The following RMC1 variants were observed in gnomAD, a reference collection of about 807,000 sequenced individuals.
RMC1 encodes the protein regulator of MON1-CCZ1 complex.
RMC1 carries 44 observed loss-of-function variants against 95.5 expected under a neutral mutation model. The ratio of observed to expected loss-of-function variants is 0.46; its 90% CI spans 0.36 to 0.59. The LOEUF (loss-of-function observed/expected upper bound fraction) is 0.59. Ranked by LOEUF, RMC1 falls within the 20% of genes least tolerant of loss-of-function variation. The probability of loss-of-function intolerance (pLI) is 0.00; values close to 1 mark genes in which losing one functional copy is unlikely to be tolerated. For missense variants in RMC1, 705 were observed against 819.6 expected, an observed-to-expected ratio of 0.86 and a Z score of 1.71; for synonymous variants, 320 against 303.6, an observed-to-expected ratio of 1.05 and a Z score of -0.56.
Position 23,503,727 on chromosome 18 carries a change from C to A in RMC1, c.102+7C>A. The stretch of plus-strand genomic sequence containing the variant: ...CGATGAGGCCAACAAGCAGGTCCGG[C>A]GCGCCCGCGCTTCCTCCCCCGCGCG... On this transcript the variant is annotated splice_region_variant and intron_variant, in intron 1 of 19. Coordinates refer to ENST00000269221, the MANE Select transcript of RMC1 (RefSeq NM_013326.5). The A allele has an allele frequency of 6.3e-7, 1 of 1,583,486 alleles. No homozygotes were observed. Among genetic ancestry groups the A allele is most frequent in the Non-Finnish European group, 8.6e-7 (1 of 1,166,216 alleles).
In RMC1 at chr18:23,529,287, G is replaced by A. The variant is rs144103523; in HGVS notation, c.1405G>A (p.Val469Met). 3.1e-6 allele frequency: 5 copies of A among 1,610,460 alleles called. No individual in the cohort carries two copies. Among genetic ancestry groups the A allele is most frequent in the African/African-American group, 1.3e-5 (1 of 74,736 alleles). The change falls in exon 15 of 20, where the codon GTG becomes ATG. Residue 469 changes from valine (V) to methionine (M), a missense_variant. Coordinates refer to ENST00000269221, the MANE Select transcript of RMC1 (RefSeq NM_013326.5). The part of the protein sequence containing the change: ...DVYTHVLSAF[V>M]EKKEMPHKFV... ...GTACACCCATGTCCTGTCAGCCTTT[G>A]TGGAAAAGAAGGTGGGCTGCAGCTT... is the stretch of plus-strand genomic sequence containing the variant.
intron 13 of RMC1, among the ~76,000 whole-genome samples, chr18:23,527,241 A>T (rs909290972): frequency 4.3e-4 from 65 of 151,364 alleles, no homozygotes; most frequent in Middle Eastern, 3.4e-3. Flanking sequence ...AAAAAAAAAA[A>T]AAAAAAAATT....
At chr18:23,515,571 C>CA (rs1485841971) in intron 5 of RMC1, among the ~76,000 whole-genome samples, 6 of 152,220 alleles carry the variant, frequency 3.9e-5, no homozygotes, top group African/African-American at 1.4e-4. Context: ...CTCTGTCACT[C>CA]ACGCTGGAGT....
intron 5 of RMC1, among the ~76,000 whole-genome samples, chr18:23,512,268 A>G (rs954668187): frequency 6.6e-6 from 1 of 152,066 alleles, no homozygotes; most frequent in Non-Finnish European, 1.5e-5. Flanking sequence ...TAATCCACCT[A>G]TCTCGGCCCC....
chr18:23,528,599 C>T (rs2058378325), intron 14 of RMC1: 1 of 153,366 alleles, frequency 6.5e-6, no homozygotes, highest in Admixed American at 6.5e-5. Context: ...TGAAGAGGGC[C>T]AGTTGCTGGG....
chr18:23,505,506 C>G (rs1042596794), intron 2 of RMC1, among the ~76,000 whole-genome samples: 2 of 152,176 alleles, frequency 1.3e-5, no homozygotes, highest in Non-Finnish European at 2.9e-5. Flanking sequence ...CAGCTTGAAC[C>G]TTACATATTC....
At chr18:23,520,168 A>G in intron 9 of RMC1, 34 bp from the exon 10 acceptor site, 3 of 1,531,902 alleles carry the variant, frequency 2.0e-6, no homozygotes, top group Non-Finnish European at 2.7e-6. Context: ...ACCATGATTG[A>G]TTTTGGCCTC....
Position 23,509,181 on chromosome 18 carries a change from A to C in RMC1, c.322-12A>C. On this transcript the variant is annotated splice_polypyrimidine_tract_variant and intron_variant, in intron 4 of 19. Coordinates refer to ENST00000269221, the MANE Select transcript of RMC1 (RefSeq NM_013326.5). ...TTATTAATTAAAAATATTTTTAAAA[A>C]ATTTTTCTTAGACTAAGAATGCCAA... The C allele has an allele frequency of 7.8e-7, 1 of 1,277,182 alleles. No individual in the cohort carries two copies. 79.1% of individuals were successfully genotyped at this position (1,277,182 alleles called of 1,614,324 possible).
chr18:23,531,492 C>T, intron 19 of RMC1, 133 bp from the exon 20 acceptor site: 2 of 1,463,886 alleles, frequency 1.4e-6, no homozygotes, highest in South Asian at 1.5e-5. Context: ...TAGGGTAACC[C>T]CAAAACTTAG....
Position 23,515,989 on chromosome 18 carries a change from A to G in RMC1, c.542A>G (p.His181Arg), listed in dbSNP as rs149489770. The G allele has an allele frequency of 9.2e-4, 1,491 of 1,613,720 alleles. 2 individuals carry two copies. The highest frequency in any genetic ancestry group is 1.2e-3 in the Non-Finnish European group (1,402 of 1,179,980). Reference sequence around the variant, plus strand: ...CTGGAGAATGTCCTGCAGCCTTTTCACTTTAGGGTAAGAGGAAGCCTCCCC... The same window carrying G: ...CTGGAGAATGTCCTGCAGCCTTTTCGCTTTAGGGTAAGAGGAAGCCTCCCC... ...TVLENVLQPFHFRAGTMSKLP... is the reference protein window; with the variant it reads ...TVLENVLQPFRFRAGTMSKLP... The change falls in exon 6 of 20, where the codon CAC becomes CGC. Residue 181 changes from histidine to arginine, a missense_variant. Transcript: ENST00000269221.
At chr18:23,527,197 G>A (rs1247929527) in intron 13 of RMC1, among the ~76,000 whole-genome samples, 2 of 110,528 alleles carry the variant, frequency 1.8e-5, no homozygotes, top group Non-Finnish European at 3.3e-5. Flanking sequence ...CAGCCTGGAC[G>A]ACAACATGGC....
At chr18:23,504,474 T>C (rs775619689) in intron 2 of RMC1, 27 bp downstream of exon 2, 1 of 1,551,452 alleles carries the variant, frequency 6.4e-7, no homozygotes, top group Non-Finnish European at 8.9e-7. Flanking sequence ...TTTCAGATCA[T>C]TTTGTCATGT....
At chr18:23,516,473 T>C (rs772163414) in intron 7 of RMC1, 50 bp downstream of exon 7, 9 of 1,573,508 alleles carry the variant, frequency 5.7e-6, no homozygotes, top group Non-Finnish European at 7.9e-6. Context: ...TTCAGTAATA[T>C]AAATAATAGA....
chr18:23,524,557 G>GT lies in RMC1; in HGVS notation c.1060+79dup. The GT allele has an allele frequency of 2.0e-6, 3 of 1,474,884 alleles. No individual in the cohort carries two copies. In the South Asian group the frequency reaches 3.4e-5, roughly 17 times the overall value. The allele number at this position is 1,474,884 out of a possible 1,614,324, so 91.4% of individuals were successfully genotyped here. A position where few individuals can be genotyped will look rare whatever the true frequency, so the allele number is the denominator to read the frequency against. On this transcript the variant is annotated intron_variant, in intron 12 of 19. Transcript: ENST00000269221. ...TTGGATCCCAGTTGTAGCCAGGGAC[G>GT]TTTTCAAGGTGAATCTCTTAGAAAT...
At chr18:23,531,094 G>A (rs999849267) in intron 19 of RMC1, among the ~76,000 whole-genome samples, 5 of 152,118 alleles carry the variant, frequency 3.3e-5, no homozygotes, top group African/African-American at 4.8e-5. Flanking sequence ...GGGTTCAAGC[G>A]ATTCTTCTGC....
chr18:23,514,824 T>C (rs920334593), intron 5 of RMC1, among the ~76,000 whole-genome samples: 4 of 152,174 alleles, frequency 2.6e-5, no homozygotes, highest in African/African-American at 9.7e-5. Flanking sequence ...CTAATTATTA[T>C]AGTTCTTAAG....
At chr18:23,527,669 G>C (rs2058346151) in intron 13 of RMC1, 126 bp from the exon 14 acceptor site, 2 of 654,948 alleles carry the variant, frequency 3.1e-6, no homozygotes, top group Non-Finnish European at 5.5e-6. Context: ...TTAAAGTAGA[G>C]TGTCCTTTAA....
intron 7 of RMC1, among the ~76,000 whole-genome samples, chr18:23,517,466 AT>A (rs1044028725): frequency 1.3e-5 from 2 of 152,062 alleles, no homozygotes; most frequent in Admixed American, 6.6e-5. Flanking sequence ...GTATATTTTC[AT>A]TTGAAAAAGT....
In RMC1 at chr18:23,527,768, C is replaced by G. The variant is rs373100278; in HGVS notation, c.1190-27C>G. 7.0e-6 allele frequency: 11 copies of G among 1,581,120 alleles called. No individual in the cohort carries two copies. The African/African-American group carries it at 9.4e-5, about 14-fold the overall frequency. On this transcript the variant is annotated intron_variant, in intron 13 of 19. Coordinates refer to ENST00000269221, the MANE Select transcript of RMC1 (RefSeq NM_013326.5). ...GAAGCTGACATGAAGTTGGTTTGAT[C>G]CGTGTGTGAACATTGTGCCTTTCCA... is the stretch of plus-strand genomic sequence containing the variant.
Sources: gnomAD v4.1 joint callset for allele counts (sites outside exome capture counted in the v4.1 genomes callset) on GRCh38, gnomAD v4.1.1 for gene constraint, MANE v1.5 for transcripts, NCBI Gene and HGNC (gene_info 2026-07-23, HGNC 2026-07-21) for gene names.